Variants in UTY observed in about 807,000 individuals in gnomAD.
UTY encodes the protein histone demethylase UTY.
A neutral mutation model predicts 32.5 loss-of-function variants in UTY; 12 were observed. The observed-to-expected ratio is 0.37, with a 90% confidence interval of 0.24 to 0.60. UTY has a LOEUF of 0.60. UTY is among the 20% of genes least tolerant of loss of function. The pLI is 0.69. For synonymous variants in UTY, 131 were observed against 103.4 expected, an observed-to-expected ratio of 1.27 and a Z score of -1.62; for missense variants, 303 against 299.2, an observed-to-expected ratio of 1.01 and a Z score of -0.09.
intron 4 of UTY, among the ~76,000 whole-genome samples, chrY:13,437,906 C>T: frequency 3.3e-5 from 1 of 29,931 alleles, no homozygotes; most frequent in African/African-American, 1.3e-4. Context: ...AGGAACTCCT[C>T]AGTGTCTTAA....
chrY:13,280,657 G>A (rs758118531), intron 27 of UTY, among the ~76,000 whole-genome samples: 2 of 32,150 alleles, frequency 6.2e-5, no homozygotes, highest in Admixed American at 2.8e-4. Context: ...GATTACAGGC[G>A]CCCACCACCA....
intron 27 of UTY, among the ~76,000 whole-genome samples, chrY:13,274,390 T>C: frequency 6.0e-5 from 2 of 33,179 alleles, no homozygotes; most frequent in Admixed American, 5.6e-4. Flanking sequence ...CTGAGAATGA[T>C]GTAGATGACA....
At chrY:13,458,815 A>G (rs2077105790) in intron 3 of UTY, among the ~76,000 whole-genome samples, 1 of 32,867 alleles carries the variant, frequency 3.0e-5, no homozygotes, top group Non-Finnish European at 7.5e-5. Context: ...GCACATACGC[A>G]CCATGGAATA....
intron 21 of UTY, among the ~76,000 whole-genome samples, chrY:13,320,983 A>G (rs2059775683): frequency 3.1e-5 from 1 of 32,620 alleles, no homozygotes; most frequent in Admixed American, 2.9e-4. Context: ...AGGAGCCCCA[A>G]TATTATCTTG....
At chrY:13,402,456 A>G in intron 6 of UTY, among the ~76,000 whole-genome samples, 1 of 33,783 alleles carries the variant, frequency 3.0e-5, no homozygotes, top group African/African-American at 1.2e-4. Context: ...AGCTGTAGCA[A>G]TTATCCCAAA....
At chrY:13,476,010 A>G (rs2079012524) in intron 2 of UTY, 1 of 195,512 alleles carries the variant, frequency 5.1e-6, no homozygotes, top group Non-Finnish European at 6.2e-6. Context: ...CCAGGGCAAC[A>G]AGAGTGAAAC....
intron 7 of UTY, among the ~76,000 whole-genome samples, chrY:13,395,839 T>C (rs2149525414): frequency 3.4e-5 from 1 of 29,200 alleles, no homozygotes; most frequent in East Asian, 9.1e-4. Context: ...GGCTCTGACC[T>C]CACCATCCCA....
chrY:13,420,203 C>T (rs2072343150), intron 4 of UTY, among the ~76,000 whole-genome samples: 2 of 33,121 alleles, frequency 6.0e-5, no homozygotes, highest in Non-Finnish European at 1.5e-4. Context: ...AATTTCTGGG[C>T]ATTCTCTAGA....
At position 13,479,668 on chromosome Y, in the gene UTY, A is replaced by C. The variant is rs753620947; in HGVS notation, c.-3T>G. The stretch of plus-strand genomic sequence containing the variant: ...AGCGACACTGCGCAGGATTTCATGG[A>C]AACAACAAATTTCCAAGTCCCACGA... On this transcript the variant is annotated 5_prime_UTR_variant, in exon 1 of 30. Transcript: ENST00000545955. 23 of 389,550 alleles carry C rather than the reference A, an allele frequency of 5.9e-5. No homozygotes were observed. Among genetic ancestry groups the C allele is most frequent in the Admixed American group, 4.0e-4 (5 of 12,483 alleles).
chrY:13,269,734 A>G (rs1487139759), intron 27 of UTY, among the ~76,000 whole-genome samples: 3 of 33,512 alleles, frequency 9.0e-5, no homozygotes, highest in Non-Finnish European at 1.5e-4. Flanking sequence ...AGATTGAGAA[A>G]AGCATAGTAT....
chrY:13,354,552 G>T (rs2062667190), intron 17 of UTY, among the ~76,000 whole-genome samples: 1 of 33,172 alleles, frequency 3.0e-5, no homozygotes, highest in Non-Finnish European at 7.5e-5. Context: ...ACACCATCCT[G>T]ATCAATGAGC....
At chrY:13,371,444 C>T in intron 8 of UTY, among the ~76,000 whole-genome samples, 1 of 32,943 alleles carries the variant, frequency 3.0e-5, no homozygotes, top group Non-Finnish European at 7.5e-5. Context: ...TTAGTCCCTC[C>T]TTATCTGCAG....
At chrY:13,459,595 C>G in intron 3 of UTY, among the ~76,000 whole-genome samples, 1 of 33,317 alleles carries the variant, frequency 3.0e-5, no homozygotes, top group Admixed American at 2.7e-4. Flanking sequence ...CTACTATAAC[C>G]AGACTTTTCT....
chrY:13,322,974 A>C, intron 21 of UTY: 1 of 92,195 alleles, frequency 1.1e-5, no homozygotes, highest in Non-Finnish European at 1.5e-5. Context: ...ATTAAGTATC[A>C]TTCTGCAAAC....
chrY:13,299,165 A>G (rs1420024959), intron 25 of UTY, 21 bp from the exon 26 acceptor site: 1 of 291,645 alleles, frequency 3.4e-6, no homozygotes, highest in Non-Finnish European at 4.9e-6. Context: ...AAATAATGAA[A>G]ATCAGGTTGA....
intron 27 of UTY, among the ~76,000 whole-genome samples, chrY:13,288,116 C>T (rs2057529935): frequency 3.1e-5 from 1 of 31,877 alleles, no homozygotes; most frequent in Non-Finnish European, 7.6e-5. Context: ...AGAATTAGTG[C>T]CTACAGACCC....
At chrY:13,358,714 C>T in intron 13 of UTY, 95 bp from the exon 14 acceptor site, 1 of 182,685 alleles carries the variant, frequency 5.5e-6, no homozygotes, top group Non-Finnish European at 8.4e-6. Context: ...CAACACTATG[C>T]GGACATCATT....
At chrY:13,336,568 T>C in intron 17 of UTY, among the ~76,000 whole-genome samples, 5 of 33,644 alleles carry the variant, frequency 1.5e-4, no homozygotes, top group Admixed American at 1.4e-3. Flanking sequence ...TTTACTAATA[T>C]GTGAACAATT....
intron 4 of UTY, among the ~76,000 whole-genome samples, chrY:13,439,800 G>A: frequency 3.0e-5 from 1 of 33,161 alleles, no homozygotes; most frequent in East Asian, 7.8e-4. Flanking sequence ...AGGTACAGCC[G>A]TGAGAGAAGT....
Sources: allele counts gnomAD v4.1 joint callset (sites outside exome capture counted in the v4.1 genomes callset), GRCh38; gene constraint gnomAD v4.1.1; transcripts MANE v1.5; gene names NCBI Gene and HGNC (gene_info 2026-07-23, HGNC 2026-07-21).